Variants in MAP3K5 observed in about 807,000 individuals in gnomAD.
MAP3K5 encodes ASK-1.
A neutral mutation model predicts 158.7 loss-of-function variants in MAP3K5; 56 were observed. The ratio of observed to expected loss-of-function variants is 0.35; its 90% CI spans 0.28 to 0.44. MAP3K5 has a LOEUF of 0.44. Among genes scored for constraint, MAP3K5 ranks in the 20% least tolerant of loss-of-function variants. The probability of loss-of-function intolerance (pLI) is 1.00; values close to 1 mark genes in which losing one functional copy is unlikely to be tolerated. For missense variants in MAP3K5, 1,294 were observed against 1,674.8 expected, an observed-to-expected ratio of 0.77 and a Z score of 3.97; for synonymous variants, 579 against 601.7, an observed-to-expected ratio of 0.96 and a Z score of 0.55.
intron 7 of MAP3K5, among the ~76,000 whole-genome samples, chr6:136,680,705 T>C (rs1402083623): frequency 1.3e-5 from 2 of 152,372 alleles, no homozygotes; most frequent in African/African-American, 2.4e-5. Flanking sequence ...CTTCTCATCT[T>C]TGCCAATTGA....
At chr6:136,776,493 C>T (rs1050837358) in intron 1 of MAP3K5, among the ~76,000 whole-genome samples, 1 of 152,222 alleles carries the variant, frequency 6.6e-6, no homozygotes, top group African/African-American at 2.4e-5. Context: ...GATCCACCAG[C>T]TTCTGCCTCC....
At chr6:136,730,528 T>TGGCTAACAC (rs1284176910) in intron 1 of MAP3K5, among the ~76,000 whole-genome samples, 1 of 151,860 alleles carries the variant, frequency 6.6e-6, no homozygotes, top group Non-Finnish European at 1.5e-5. Flanking sequence ...GAGACCATCC[T>TGGCTAACAC]GGCTAACACA....
At chr6:136,787,623 T>G (rs959996352) in intron 1 of MAP3K5, among the ~76,000 whole-genome samples, 2 of 152,200 alleles carry the variant, frequency 1.3e-5, no homozygotes, top group African/African-American at 4.8e-5. Context: ...CATGCCACCT[T>G]GCCTTTGTAA....
chr6:136,750,159 C>A (rs1783137913), intron 1 of MAP3K5, among the ~76,000 whole-genome samples: 2 of 152,292 alleles, frequency 1.3e-5, no homozygotes, highest in Middle Eastern at 3.4e-3. Flanking sequence ...CTCATTGTAA[C>A]CTCCGCCTCC....
chr6:136,707,139 A>T (rs1338620810), intron 2 of MAP3K5, among the ~76,000 whole-genome samples: 1 of 152,166 alleles, frequency 6.6e-6, no homozygotes, highest in African/African-American at 2.4e-5. Context: ...TGGGCAACAG[A>T]GCAAGATCCT....
At chr6:136,658,465 C>T (rs113162910) in intron 9 of MAP3K5, among the ~76,000 whole-genome samples, 1,782 of 151,808 alleles carry the variant, frequency 0.012, 41 homozygotes, top group Non-Finnish European at 0.011. Context: ...CAGGCACCCG[C>T]GATCATGCCC....
chr6:136,692,802 A>G (rs1256615531), intron 7 of MAP3K5, among the ~76,000 whole-genome samples: 3 of 152,068 alleles, frequency 2.0e-5, no homozygotes, highest in Non-Finnish European at 4.4e-5. Flanking sequence ...CAAAAATACA[A>G]ACAATTAGCC....
chr6:136,765,591 C>T (rs1420109440), intron 1 of MAP3K5, among the ~76,000 whole-genome samples: 1 of 151,984 alleles, frequency 6.6e-6, no homozygotes, highest in Non-Finnish European at 1.5e-5. Flanking sequence ...CGGCTCACTG[C>T]AACCTCCACC....
At chr6:136,701,584 G>T (rs4243449) in intron 3 of MAP3K5, among the ~76,000 whole-genome samples, 1 of 151,910 alleles carries the variant, frequency 6.6e-6, no homozygotes, top group African/African-American at 2.4e-5. Context: ...CAGCACATCC[G>T]CCCAATTTAA....
At chr6:136,662,497 CTCTG>C (rs1469166737) in intron 8 of MAP3K5, among the ~76,000 whole-genome samples, 2 of 152,062 alleles carry the variant, frequency 1.3e-5, no homozygotes, top group African/African-American at 4.8e-5. Flanking sequence ...AGTCCGTTCT[CTCTG>C]TCTCTTCCTT....
At chr6:136,643,254 G>C (rs1370888170) in intron 11 of MAP3K5, among the ~76,000 whole-genome samples, 1 of 152,094 alleles carries the variant, frequency 6.6e-6, no homozygotes, top group Non-Finnish European at 1.5e-5. Context: ...CTAAAGCTAA[G>C]ATAAAATTAT....
intron 1 of MAP3K5, among the ~76,000 whole-genome samples, chr6:136,741,820 C>CA (rs1445430278): frequency 1.3e-5 from 2 of 152,060 alleles, no homozygotes; most frequent in African/African-American, 4.8e-5. Context: ...GATTAATATG[C>CA]AAAAGTAAAT....
intron 1 of MAP3K5, among the ~76,000 whole-genome samples, chr6:136,782,646 T>C (rs1209534265): frequency 6.6e-6 from 1 of 152,224 alleles, no homozygotes; most frequent in Non-Finnish European, 1.5e-5. Context: ...GGTCTGCTTA[T>C]AGTGGAATGT....
At chr6:136,701,123 T>C (rs1780836645) in intron 3 of MAP3K5, among the ~76,000 whole-genome samples, 1 of 152,156 alleles carries the variant, frequency 6.6e-6, no homozygotes, top group Non-Finnish European at 1.5e-5. Context: ...GTCTGTGACA[T>C]GTTTGGCACT....
At chr6:136,587,886 A>G (rs984889201) in intron 23 of MAP3K5, among the ~76,000 whole-genome samples, 7 of 152,244 alleles carry the variant, frequency 4.6e-5, no homozygotes, top group Non-Finnish European at 1.0e-4. Flanking sequence ...AAACAATTGA[A>G]TATGACTAAC....
chr6:136,567,788 G>A lies in MAP3K5; in HGVS notation c.3604C>T (p.Pro1202Ser), dbSNP rs1028433624. 1 of 1,614,066 alleles carries A rather than the reference G, an allele frequency of 6.2e-7. No individual in the cohort carries two copies. Among genetic ancestry groups the A allele is most frequent in the East Asian group, 2.2e-5 (1 of 44,874 alleles). Residue 1202 changes from proline (P) to serine (S), a missense_variant, in exon 26 of 30, where the codon CCT (proline) becomes TCT (serine). Around this residue, in one of 5 missense-constraint regions of MAP3K5, gnomAD observed 199 missense variants for 220.3 expected, o/e 0.90. Transcript: ENST00000359015. ...LDVEDDHEEQPSNQTVRRPQA... is the reference protein window; with the variant it reads ...LDVEDDHEEQSSNQTVRRPQA... ...GGTCTTCGGACAGTTTGATTTGAAG[G>A]CTGTTCCTCATGGTCATCTTCTACA...
chr6:136,612,406 A>G (rs1776382958), intron 17 of MAP3K5, among the ~76,000 whole-genome samples: 1 of 152,198 alleles, frequency 6.6e-6, no homozygotes, highest in Non-Finnish European at 1.5e-5. Context: ...ATAATGATGT[A>G]TGTATAATTA....
chr6:136,721,760 G>A (rs1206562865), intron 1 of MAP3K5, among the ~76,000 whole-genome samples: 1 of 152,174 alleles, frequency 6.6e-6, no homozygotes, highest in Non-Finnish European at 1.5e-5. Context: ...GCACGCACCT[G>A]TAATCTCAGC....
rs558211855 is a variant in MAP3K5, at chr6:136,638,856, C to T, written c.1934+687G>A. Among the ~76,000 whole-genome samples the T allele has an allele frequency of 3.9e-5, 6 of 152,260 alleles. No individual in the cohort carries two copies. In the South Asian group the frequency reaches 1.2e-3, roughly 32 times the overall value. On this transcript the variant is annotated intron_variant, in intron 13 of 29. Transcript: ENST00000359015. ...ACAATCCCCAGCAAAATTCTGAGTC[C>T]AAACTAACTTTCACCTACACTTTGG... is the stretch of plus-strand genomic sequence containing the variant.
Sources: allele counts gnomAD v4.1 joint callset (sites outside exome capture counted in the v4.1 genomes callset), GRCh38; gene constraint gnomAD v4.1.1; regional missense constraint gnomAD v4.1.1; transcripts MANE v1.5; gene names NCBI Gene and HGNC (gene_info 2026-07-23, HGNC 2026-07-21).